The following VIT variants were observed in gnomAD, a reference collection of about 807,000 sequenced individuals.
VIT encodes the protein vitrin.
A neutral mutation model predicts 78.0 loss-of-function variants in VIT; 99 were observed. The observed-to-expected ratio is 1.27, with a 90% CI of 1.08 to 1.50. The LOEUF (loss-of-function observed/expected upper bound fraction) is 1.50. VIT is among the 40% of genes most tolerant of loss of function. VIT has a pLI of 0.00. For missense variants in VIT, 1,126 were observed against 875.3 expected, an observed-to-expected ratio of 1.29 and a Z score of -3.61; for synonymous variants, 374 against 334.3, an observed-to-expected ratio of 1.12 and a Z score of -1.29.
At chr2:36,793,940 G>A (rs924354419) in intron 12 of VIT, among the ~76,000 whole-genome samples, 2 of 152,126 alleles carry the variant, frequency 1.3e-5, no homozygotes, top group African/African-American at 4.8e-5. Context: ...GAATCACCTG[G>A]ATCTCCGAGC....
At chr2:36,698,297 G>A (rs1256732315) in intron 1 of VIT, among the ~76,000 whole-genome samples, 1 of 152,150 alleles carries the variant, frequency 6.6e-6, no homozygotes, top group Admixed American at 6.5e-5. Context: ...CATGAATATT[G>A]TTAAGAAGAT....
intron 1 of VIT, among the ~76,000 whole-genome samples, chr2:36,712,419 T>C (rs1049819748): frequency 6.6e-6 from 1 of 152,226 alleles, no homozygotes; most frequent in African/African-American, 2.4e-5. Flanking sequence ...GGAGGACAGA[T>C]TTGAGAGCAC....
chr2:36,706,156 A>G (rs917758750), intron 1 of VIT, among the ~76,000 whole-genome samples: 13 of 152,308 alleles, frequency 8.5e-5, no homozygotes, highest in Non-Finnish European at 1.5e-4. Flanking sequence ...GACAGCTCAC[A>G]GGATTTCTTG....
chr2:36,747,687 G>T (rs1003704863), intron 4 of VIT, among the ~76,000 whole-genome samples: 11 of 152,288 alleles, frequency 7.2e-5, no homozygotes, highest in African/African-American at 2.6e-4. Context: ...AGATGGCTGG[G>T]TCTTGTTTCT....
At chr2:36,791,195 C>T (rs1179319486) in intron 12 of VIT, among the ~76,000 whole-genome samples, 1 of 152,096 alleles carries the variant, frequency 6.6e-6, no homozygotes, top group African/African-American at 2.4e-5. Context: ...AATAGCTGTC[C>T]TGTGGTTTAG....
chr2:36,768,186 C>T (rs1669548391), intron 7 of VIT, among the ~76,000 whole-genome samples: 1 of 152,168 alleles, frequency 6.6e-6, no homozygotes, highest in African/African-American at 2.4e-5. Flanking sequence ...AATCCCAGCA[C>T]TTTGGGAGGC....
intron 3 of VIT, among the ~76,000 whole-genome samples, chr2:36,741,920 A>T (rs1667859693): frequency 6.6e-6 from 1 of 152,200 alleles, no homozygotes; most frequent in African/African-American, 2.4e-5. Context: ...ACCCTCTGGC[A>T]TCACAGCACA....
intron 15 of VIT, among the ~76,000 whole-genome samples, chr2:36,810,249 G>C (rs1473647716): frequency 6.7e-6 from 1 of 150,218 alleles, no homozygotes; most frequent in Non-Finnish European, 1.5e-5. Context: ...CCGAGATCGT[G>C]CCATTGCACT....
rs891771102 is a variant in VIT at position 36,727,191 on chromosome 2, C to T, written c.53-2235C>T. Among the ~76,000 whole-genome samples the T allele has an allele frequency of 5.3e-5, 8 of 152,156 alleles. No homozygotes were observed. In the South Asian group the frequency reaches 1.7e-3, roughly 32 times the overall value. Reference sequence around the variant, plus strand: ...CATTGTGATGAGTGTCCTTCTTCTCCCTAGCCCCTTTCTCCGTGCCTTTCT... The same window carrying T: ...CATTGTGATGAGTGTCCTTCTTCTCTCTAGCCCCTTTCTCCGTGCCTTTCT... On this transcript the variant is annotated intron_variant, in intron 2 of 15. Transcript: ENST00000379242.
chr2:36,731,037 G>A (rs534300351), intron 3 of VIT, among the ~76,000 whole-genome samples: 1 of 152,268 alleles, frequency 6.6e-6, no homozygotes, highest in South Asian at 2.1e-4. Flanking sequence ...CAGGAAGACA[G>A]GTTCTCAGTC....
intron 5 of VIT, among the ~76,000 whole-genome samples, chr2:36,758,536 A>G (rs926609937): frequency 1.3e-5 from 2 of 152,348 alleles, no homozygotes; most frequent in South Asian, 4.1e-4. Flanking sequence ...TACTACTGCT[A>G]TGAAATTCAA....
chr2:36,806,798 C>G (rs966517508), intron 14 of VIT, among the ~76,000 whole-genome samples: 2 of 152,158 alleles, frequency 1.3e-5, no homozygotes, highest in African/African-American at 4.8e-5. Flanking sequence ...CTCCTGACCT[C>G]TTGATCCTCC....
At chr2:36,763,162 G>A (rs2148573989) in intron 6 of VIT, among the ~76,000 whole-genome samples, 1 of 152,296 alleles carries the variant, frequency 6.6e-6, no homozygotes, top group East Asian at 1.9e-4. Flanking sequence ...TCTCAAATGA[G>A]AATTCCACGG....
chr2:36,756,545 G>A (rs909489276), intron 5 of VIT, among the ~76,000 whole-genome samples: 2 of 152,192 alleles, frequency 1.3e-5, no homozygotes, highest in African/African-American at 2.4e-5. Context: ...ACTGATTAGA[G>A]TCGTTAGCAG....
chr2:36,774,658 TG>T, intron 8 of VIT: 1 of 985,426 alleles, frequency 1.0e-6, no homozygotes, highest in Non-Finnish European at 1.2e-6. Context: ...GCAGCTTCTA[TG>T]AGCTTCACAA....
intron 2 of VIT, among the ~76,000 whole-genome samples, chr2:36,726,361 A>G (rs1666844466): frequency 6.6e-6 from 1 of 152,260 alleles, no homozygotes; most frequent in Admixed American, 6.5e-5. Flanking sequence ...TGTAAAAAAC[A>G]TGAGGGATCA....
At chr2:36,768,310 T>C (rs1228285385) in intron 7 of VIT, among the ~76,000 whole-genome samples, 1 of 152,068 alleles carries the variant, frequency 6.6e-6, no homozygotes, top group African/African-American at 2.4e-5. Flanking sequence ...CACGTGCCTA[T>C]AGTCCCAGCT....
intron 1 of VIT, among the ~76,000 whole-genome samples, chr2:36,712,335 A>T (rs10174423): frequency 0.14 from 21,343 of 151,906 alleles, 2,387 homozygotes; most frequent in African/African-American, 0.29. Flanking sequence ...GATTAGAGCA[A>T]CTCCCGGAAT....
chr2:36,754,778 T>G (rs1668663092), intron 4 of VIT, 143 bp from the exon 5 acceptor site: 2 of 813,198 alleles, frequency 2.5e-6, no homozygotes, highest in Non-Finnish European at 3.7e-6. Flanking sequence ...TTCTTGTGGG[T>G]TGGGCTTCAT....
Sources: allele counts gnomAD v4.1 joint callset (sites outside exome capture counted in the v4.1 genomes callset), GRCh38; gene constraint gnomAD v4.1.1; transcripts MANE v1.5; gene names NCBI Gene and HGNC (gene_info 2026-07-23, HGNC 2026-07-21).